Variants in TMEM150C observed in about 807,000 individuals in gnomAD.
TMEM150C encodes the protein tentonin 3.
In TMEM150C, 10 loss-of-function variants were observed where a neutral mutation model predicts 29.9. The ratio of observed to expected loss-of-function variants is 0.33; its 90% CI spans 0.21 to 0.57. TMEM150C has a LOEUF of 0.57. TMEM150C is among the 20% of genes least tolerant of loss of function. The pLI is 0.88. For synonymous variants in TMEM150C, 101 were observed against 112.5 expected (o/e 0.90, Z 0.64); for missense variants, 251 against 303.6 (o/e 0.83, Z 1.29).
chr4:82,490,934 G>T, intron 6 of TMEM150C: 1 of 722,514 alleles, frequency 1.4e-6, no homozygotes, highest in Non-Finnish European at 2.5e-6. Flanking sequence ...GGATCTCATC[G>T]GATCTGTTTT....
intron 1 of TMEM150C, 83 bp from the exon 2 acceptor site, chr4:82,504,750 G>C: frequency 8.5e-7 from 1 of 1,170,182 alleles, no homozygotes; most frequent in South Asian, 1.3e-5. Context: ...GTCTAACTGG[G>C]CCAAGCACGG....
rs1262016294 is a variant in TMEM150C at position 82,483,298 on chromosome 4, A to G, written c.*2213T>C. The G allele has an allele frequency of 6.6e-6, 1 of 152,260 alleles. No individual in the cohort carries two copies. The highest frequency in any genetic ancestry group is 1.5e-5 in the Non-Finnish European group (1 of 68,056). The allele number at this position is 152,260 out of a possible 1,614,324, so 9.4% of individuals were successfully genotyped here. ...GAAAGTGTACAATTGCATCACCAAA[A>G]GCTGTTTAATTTGGATTGTGTAGAA... is the stretch of plus-strand genomic sequence containing the variant. On this transcript the variant is annotated 3_prime_UTR_variant, in exon 8 of 8. Transcript: ENST00000449862.
chr4:82,504,725 A>T, intron 1 of TMEM150C, 58 bp from the exon 2 acceptor site: 1 of 1,450,830 alleles, frequency 6.9e-7, no homozygotes, highest in Non-Finnish European at 9.5e-7. Context: ...TCACTCTTTC[A>T]AGATAGAAAG....
rs1418806525 is a variant in TMEM150C, at chr4:82,485,466, C to T, written c.*45G>A. 6.8e-7 allele frequency: 1 copy of T among 1,473,314 alleles called. No homozygotes were observed. Among genetic ancestry groups the T allele is most frequent in the Non-Finnish European group, 9.3e-7 (1 of 1,074,942 alleles). The allele number at this position is 1,473,314 out of a possible 1,614,324, so 91.3% of individuals were successfully genotyped here. On this transcript the variant is annotated 3_prime_UTR_variant, in exon 8 of 8. Coordinates refer to ENST00000449862, the MANE Select transcript of TMEM150C (RefSeq NM_001080506.3). Reference sequence around the variant, plus strand: ...CTGTGAGTGTGTCCTACTGGCCCCTCCCCCACTGTCACACCCACCTCACCA... The same window carrying T: ...CTGTGAGTGTGTCCTACTGGCCCCTTCCCCACTGTCACACCCACCTCACCA...
At chr4:82,547,456 G>A (rs1486439361) in intron 1 of TMEM150C, among the ~76,000 whole-genome samples, 3 of 152,110 alleles carry the variant, frequency 2.0e-5, no homozygotes, top group Non-Finnish European at 4.4e-5. Context: ...GGGCATGGTG[G>A]CACACGCCTG....
At chr4:82,499,208 GACTT>G (rs1384334362) in intron 5 of TMEM150C, among the ~76,000 whole-genome samples, 1 of 152,098 alleles carries the variant, frequency 6.6e-6, no homozygotes, top group East Asian at 1.9e-4. Context: ...TCCTGAAAAA[GACTT>G]ACGGGCCATT....
chr4:82,523,690 C>T (rs1724561177), intron 1 of TMEM150C, among the ~76,000 whole-genome samples: 1 of 150,748 alleles, frequency 6.6e-6, no homozygotes, highest in African/African-American at 2.5e-5. Context: ...TCCTACAACA[C>T]AAATAACTTT....
chr4:82,548,622 C>T (rs2110091320), intron 1 of TMEM150C, among the ~76,000 whole-genome samples: 1 of 152,226 alleles, frequency 6.6e-6, no homozygotes, highest in South Asian at 2.1e-4. Context: ...AATATGAAGA[C>T]ACAGTCCCAC....
At chr4:82,559,902 C>G (rs1188957428) in intron 1 of TMEM150C, among the ~76,000 whole-genome samples, 1 of 152,176 alleles carries the variant, frequency 6.6e-6, no homozygotes, top group Non-Finnish European at 1.5e-5. Flanking sequence ...TCTCATGACT[C>G]CAGGCTGCCC....
intron 1 of TMEM150C, among the ~76,000 whole-genome samples, chr4:82,548,791 G>A (rs1031249541): frequency 6.6e-6 from 1 of 152,230 alleles, no homozygotes; most frequent in African/African-American, 2.4e-5. Context: ...CTTCAGGGAT[G>A]TGAAGGCTTT....
intron 1 of TMEM150C, among the ~76,000 whole-genome samples, chr4:82,518,977 G>A (rs969030666): frequency 1.3e-5 from 2 of 151,988 alleles, no homozygotes; most frequent in South Asian, 2.1e-4. Flanking sequence ...CTTGTTCCTC[G>A]CCTGGGGTGA....
chr4:82,512,605 G>A (rs990347739), intron 1 of TMEM150C, among the ~76,000 whole-genome samples: 3 of 152,112 alleles, frequency 2.0e-5, no homozygotes, highest in Non-Finnish European at 4.4e-5. Context: ...ACAGGAAAAT[G>A]TCCATTTTCT....
chr4:82,493,893 T>G (rs889178267), intron 6 of TMEM150C, among the ~76,000 whole-genome samples: 2 of 152,160 alleles, frequency 1.3e-5, no homozygotes, highest in African/African-American at 4.8e-5. Flanking sequence ...GGAGATAGAA[T>G]AGTTAGAGGA....
chr4:82,534,992 C>T (rs952525604), intron 1 of TMEM150C, among the ~76,000 whole-genome samples: 2 of 152,220 alleles, frequency 1.3e-5, no homozygotes, highest in African/African-American at 4.8e-5. Context: ...CCAAGACAGA[C>T]TCCTACATTA....
intron 1 of TMEM150C, among the ~76,000 whole-genome samples, chr4:82,521,476 T>C (rs1206017506): frequency 6.6e-6 from 1 of 152,166 alleles, no homozygotes; most frequent in Non-Finnish European, 1.5e-5. Flanking sequence ...AACTACAGCA[T>C]GCGGAACAGC....
At chr4:82,487,579 A>G (rs1327294599) in intron 7 of TMEM150C, among the ~76,000 whole-genome samples, 2 of 152,212 alleles carry the variant, frequency 1.3e-5, no homozygotes, top group Non-Finnish European at 2.9e-5. Flanking sequence ...TTTATCTTAT[A>G]TTGGCAGAGT....
At chr4:82,531,754 CAAAAA>C (rs757992713) in intron 1 of TMEM150C, among the ~76,000 whole-genome samples, 3 of 62,290 alleles carry the variant, frequency 4.8e-5, no homozygotes, top group Non-Finnish European at 1.0e-4. Flanking sequence ...GACTCTGTCT[CAAAAA>C]AAAAAAAAAA....
At chr4:82,493,260 A>G (rs1723431106) in intron 6 of TMEM150C, among the ~76,000 whole-genome samples, 1 of 152,014 alleles carries the variant, frequency 6.6e-6, no homozygotes, top group African/African-American at 2.4e-5. Context: ...CTCACAGTTC[A>G]AAAGACATAT....
intron 6 of TMEM150C, chr4:82,495,821 G>A (rs1050704916): frequency 1.0e-5 from 5 of 484,104 alleles, no homozygotes; most frequent in Non-Finnish European, 1.9e-5. Flanking sequence ...TAAAAAGTAC[G>A]AAGTTTGCGT....
Sources: gnomAD v4.1 joint callset for allele counts (sites outside exome capture counted in the v4.1 genomes callset) on GRCh38, gnomAD v4.1.1 for gene constraint, MANE v1.5 for transcripts, NCBI Gene and HGNC (gene_info 2026-07-23, HGNC 2026-07-21) for gene names.